Variants in SPEG observed in about 807,000 individuals in gnomAD.
SPEG encodes striated muscle preferentially expressed protein kinase.
A neutral mutation model predicts 300.4 loss-of-function variants in SPEG; 114 were observed. The observed-to-expected ratio is 0.38, with a 90% CI of 0.33 to 0.44. The LOEUF is 0.44. Among genes scored for constraint, SPEG ranks in the 20% least tolerant of loss-of-function variants. The pLI is 1.00. For synonymous variants in SPEG, 1,964 were observed against 2,018.9 expected (o/e 0.97, Z 0.73); for missense variants, 4,201 against 4,586.2 (o/e 0.92, Z 2.43).
At chr2:219,441,430 C>T (rs1380866212) in intron 1 of SPEG, 4 of 455,396 alleles carry the variant, frequency 8.8e-6, no homozygotes, top group Admixed American at 4.8e-5. Flanking sequence ...ACACGCAGTC[C>T]ACACCCGCCA....
At position 219,481,609 on chromosome 2, in the gene SPEG, A is replaced by C; in HGVS notation, c.5523-29A>C. The stretch of plus-strand genomic sequence containing the variant: ...TGACTCACTGATGACTGAACGATAA[A>C]TCCCTTCTTAATCCTCATTCATTCA... On this transcript the variant is annotated intron_variant, in intron 27 of 40. Coordinates refer to ENST00000312358, the MANE Select transcript of SPEG (RefSeq NM_005876.5). This position sits in a 1 kb window ranked among gnomAD's most constrained non-coding sequence, Gnocchi z 5.4. The C allele has an allele frequency of 6.2e-7, 1 of 1,613,516 alleles. No homozygotes were observed. The highest frequency in any genetic ancestry group is 1.1e-5 in the South Asian group (1 of 91,050).
Position 219,473,710 on chromosome 2 carries a change from C to T in SPEG, c.4272-18C>T, listed in dbSNP as rs1376325848. On this transcript the variant is annotated intron_variant, in intron 17 of 40. Transcript: ENST00000312358. This position sits in a 1 kb window ranked among gnomAD's most constrained non-coding sequence, Gnocchi z 4.6. ...CTGGGGCAAGATCTGGGTGACCTCC[C>T]TGTCATGTGTCCCCTAGCTGCCGAG... 6.2e-7 allele frequency: 1 copy of T among 1,612,738 alleles called. No homozygotes were observed. The highest frequency in any genetic ancestry group is 1.3e-5 in the African/African-American group (1 of 74,940).
Position 219,444,084 on chromosome 2 carries a change from C to T in SPEG, c.389-569C>T. The T allele has an allele frequency of 7.4e-7, 1 of 1,355,216 alleles. No homozygotes were observed. The highest frequency in any genetic ancestry group is 1.5e-5 in the African/African-American group (1 of 67,696). 83.9% of individuals were successfully genotyped at this position (1,355,216 alleles called of 1,614,324 possible). A position where few individuals can be genotyped will look rare whatever the true frequency, so the allele number is the denominator to read the frequency against. On this transcript the variant is annotated intron_variant, in intron 1 of 40. Transcript: ENST00000312358. The surrounding 1 kb of genome is among the most constrained non-coding windows in gnomAD (Gnocchi z 7.8). ...GGTAGGAAACTGGCTCCTGCTCTAG[C>T]CCCCCGCATCCCCCCCTTTCCCACC...
chr2:219,489,607 C>A lies in SPEG; in HGVS notation c.8589C>A (p.Pro2863=), dbSNP rs1334018607. 6.2e-7 allele frequency: 1 copy of A among 1,613,732 alleles called. No individual in the cohort carries two copies. Among genetic ancestry groups the A allele is most frequent in the African/African-American group, 1.3e-5 (1 of 74,910 alleles). The part of the protein sequence containing the change: ...QAARPAEPTL[P]STHVTPSEPK... ...CCCGGCCAGCGGAGCCCACCCTACC[C>A]AGTACCCACGTCACCCCAAGTGAGC... The change falls in exon 36 of 41, where the codon CCC becomes CCA. Residue 2863 remains proline, a synonymous_variant. Transcript: ENST00000312358.
rs201901718 is a variant in SPEG, at chr2:219,483,821, C to T, written c.6358C>T (p.Leu2120Phe). The T allele has an allele frequency of 2.2e-3, 3,469 of 1,580,760 alleles. 5 individuals are homozygous for T. The highest frequency in any genetic ancestry group is 2.8e-3 in the Non-Finnish European group (3,279 of 1,170,224). The change falls in exon 30 of 41, where the codon CTC becomes TTC. Residue 2120 changes from leucine (L) to phenylalanine (F), a missense_variant. Physicochemically the swap from Leu to Phe is conservative, Grantham distance 22 (BLOSUM62 0). This residue lies in a region of SPEG where 1,578 missense variants were observed against 1,506.0 expected (regional missense o/e 1.05). Transcript: ENST00000312358. The part of the protein sequence containing the change: ...SEAAPHHQPP[L>F]ENRGLQKSSS... ...GGCAGCGCCCCACCACCAGCCCCCA[C>T]TCGAGAACCGGGGCCTGCAAAAGAG...
At chr2:219,453,335 A>G (rs1001748465) in intron 6 of SPEG, among the ~76,000 whole-genome samples, 5 of 152,332 alleles carry the variant, frequency 3.3e-5, no homozygotes, top group Non-Finnish European at 5.9e-5. Context: ...TCATTTGTAA[A>G]CCGGAGATAA....
rs1468552079 is a variant in SPEG at position 219,488,759 on chromosome 2, CTCT to C, written c.8027-14_8027-12del. ...GCTAGGGTATAGGGGCTCACTGGGA[CTCT>C]TCTTTCTCTTGCCAGGAGTCCCAGG... On this transcript the variant is annotated splice_polypyrimidine_tract_variant and intron_variant, in intron 33 of 40. Transcript: ENST00000312358. 4 of 1,609,972 alleles carry C rather than the reference CTCT, an allele frequency of 2.5e-6. No individual in the cohort carries two copies. Among genetic ancestry groups the C allele is most frequent in the Non-Finnish European group, 3.4e-6 (4 of 1,177,934 alleles).
At chr2:219,475,682 T>G (rs1030290804) in intron 18 of SPEG, among the ~76,000 whole-genome samples, 1 of 152,186 alleles carries the variant, frequency 6.6e-6, no homozygotes, top group African/African-American at 2.4e-5. Flanking sequence ...CCCTGAAGTT[T>G]GGGGAGCCCC....
rs565082544 is a variant in SPEG at position 219,465,980 on chromosome 2, T to C, written c.2882-1194T>C. On this transcript the variant is annotated intron_variant, in intron 9 of 40. Coordinates refer to ENST00000312358, the MANE Select transcript of SPEG (RefSeq NM_005876.5). The stretch of plus-strand genomic sequence containing the variant: ...GTGCGTGTGCATGCGTGTGTGTGCA[T>C]GTGTGTGTGTGCGCGTGCGTGCGCG... The C allele has an allele frequency of 6.7e-4, 820 of 1,217,332 alleles. 10 individuals carry two copies. The South Asian group carries it at 9.9e-3, about 15-fold the overall frequency. The allele number at this position is 1,217,332 out of a possible 1,614,324, so 75.4% of individuals were successfully genotyped here.
chr2:219,481,669 C>G lies in SPEG; in HGVS notation c.5554C>G (p.Pro1852Ala). 1 of 1,614,114 alleles carries G rather than the reference C, an allele frequency of 6.2e-7. No homozygotes were observed. Among genetic ancestry groups the G allele is most frequent in the Non-Finnish European group, 8.5e-7 (1 of 1,179,984 alleles). ...TACCGCAGAAGAGACCCTAGAACAT[C>G]CTTGGTTCAAAGTGAGTCTAGTCTG... ...RPTAEETLEH[P>A]WFKTQAKGAE... The change falls in exon 28 of 41, where the codon CCT becomes GCT. Residue 1852 changes from proline to alanine, a missense_variant. Transcript: ENST00000312358. This position sits in a 1 kb window ranked among gnomAD's most constrained non-coding sequence, Gnocchi z 5.4.
chr2:219,472,826 C>A, intron 15 of SPEG, 64 bp from the exon 16 acceptor site: 1 of 1,414,500 alleles, frequency 7.1e-7, no homozygotes, highest in Non-Finnish European at 9.7e-7. Flanking sequence ...GGTCCCGGGC[C>A]AGCTGGATGG....
chr2:219,447,229 G>T (rs556706208), intron 3 of SPEG, among the ~76,000 whole-genome samples: 1 of 150,074 alleles, frequency 6.7e-6, no homozygotes, highest in Non-Finnish European at 1.5e-5. Flanking sequence ...GGGGCCTTCT[G>T]TACTTCTCAG....
At position 219,443,983 on chromosome 2, in the gene SPEG, T is replaced by A; in HGVS notation, c.389-670T>A. 7.4e-7 allele frequency: 1 copy of A among 1,357,344 alleles called. No individual in the cohort carries two copies. The highest frequency in any genetic ancestry group is 1.5e-5 in the African/African-American group (1 of 67,704). 84.1% of individuals were successfully genotyped at this position (1,357,344 alleles called of 1,614,324 possible). ...ATGCCCTGCCCCACAAACGCTCTGA[T>A]AACAGTCTGTCCCTGTCTCTCTCCT... On this transcript the variant is annotated intron_variant, in intron 1 of 40. Transcript: ENST00000312358. This position sits in a 1 kb window ranked among gnomAD's most constrained non-coding sequence, Gnocchi z 4.6.
rs1370772753 is a variant in SPEG at position 219,473,130 on chromosome 2, G to A, written c.4147+34G>A. ...GGGTGCTCCTGTCGGGTGGGGGTGG[G>A]AGCTGCTGGGATGGGGAATGGGGGC... On this transcript the variant is annotated intron_variant, in intron 16 of 40. Coordinates refer to ENST00000312358, the MANE Select transcript of SPEG (RefSeq NM_005876.5). This position sits in a 1 kb window ranked among gnomAD's most constrained non-coding sequence, Gnocchi z 4.6. 2 of 1,590,960 alleles carry A rather than the reference G, an allele frequency of 1.3e-6. No individual in the cohort carries two copies. Among genetic ancestry groups the A allele is most frequent in the Non-Finnish European group, 1.7e-6 (2 of 1,166,190 alleles).
In SPEG at chr2:219,455,415, T is replaced by C. The variant is rs541789235; in HGVS notation, c.2440+3608T>C. On this transcript the variant is annotated intron_variant, in intron 6 of 40. Transcript: ENST00000312358. ...TATGGTAGCCCTAGCTACATGTGGT[T>C]AGTGAGCACTTGAAATGCAGCTGCG... Among the ~76,000 whole-genome samples, 3 of 152,314 alleles carry C rather than the reference T, an allele frequency of 2.0e-5. No homozygotes were observed. In the East Asian group the frequency reaches 5.8e-4, roughly 29 times the overall value.
intron 6 of SPEG, among the ~76,000 whole-genome samples, chr2:219,456,719 C>T (rs1690209214): frequency 6.6e-6 from 1 of 152,032 alleles, no homozygotes; most frequent in Non-Finnish European, 1.5e-5. Flanking sequence ...ACCAGCCTGA[C>T]CAACATAGTG....
intron 6 of SPEG, among the ~76,000 whole-genome samples, chr2:219,457,144 A>G (rs371974794): frequency 6.6e-6 from 1 of 152,138 alleles, no homozygotes; most frequent in East Asian, 1.9e-4. Flanking sequence ...CAGTGGGGTT[A>G]CCACAGCAGA....
intron 6 of SPEG, chr2:219,460,651 C>G: frequency 1.0e-6 from 1 of 985,600 alleles, no homozygotes; most frequent in Non-Finnish European, 1.2e-6. Flanking sequence ...TCCAGACGGC[C>G]GCGCTCCGCC....
At position 219,448,486 on chromosome 2, in the gene SPEG, G is replaced by C. The variant is rs770193963; in HGVS notation, c.1328G>C (p.Arg443Pro). ...TCTCTGGAGCAGCCCAAGTCGGAGC[G>C]CGGCGCACCGTGGGGCACCCCCGGG... The part of the protein sequence containing the change: ...ARSLEQPKSE[R>P]GAPWGTPGAS... The change falls in exon 4 of 41, where the codon CGC becomes CCC. Residue 443 changes from arginine (R) to proline (P), a missense_variant. Coordinates refer to ENST00000312358, the MANE Select transcript of SPEG (RefSeq NM_005876.5). 1.4e-5 allele frequency: 20 copies of C among 1,464,842 alleles called. No individual in the cohort carries two copies. The highest frequency in any genetic ancestry group is 1.4e-5 in the Non-Finnish European group (16 of 1,117,568). The allele number at this position is 1,464,842 out of a possible 1,614,324, so 90.7% of individuals were successfully genotyped here.
Sources: gnomAD v4.1 joint callset for allele counts (sites outside exome capture counted in the v4.1 genomes callset) on GRCh38, gnomAD v4.1.1 for gene constraint, gnomAD v4.1.1 regional missense constraint, Gnocchi (gnomAD v3.1) non-coding constraint, MANE v1.5 for transcripts, NCBI Gene and HGNC (gene_info 2026-07-23, HGNC 2026-07-21) for gene names.